The following MSRA variants were observed in gnomAD, a reference collection of about 807,000 sequenced individuals.
MSRA encodes the protein mitochondrial peptide methionine sulfoxide reductase.
A neutral mutation model predicts 31.3 loss-of-function variants in MSRA; 54 were observed. The observed-to-expected ratio is 1.73, with a 90% CI of 1.39 to 2.17. The LOEUF is 2.17. MSRA is among the 30% of genes most tolerant of loss of function. The probability of loss-of-function intolerance (pLI) is 0.00; values close to 1 mark genes in which losing one functional copy is unlikely to be tolerated. For missense variants in MSRA, 507 were observed against 300.9 expected (o/e 1.69, Z -5.07); for synonymous variants, 169 against 116.5 (o/e 1.45, Z -2.90).
chr8:10,207,694 T>A (rs1260385637), intron 1 of MSRA, 139 bp from the exon 2 acceptor site: 6 of 659,580 alleles, frequency 9.1e-6, no homozygotes, highest in African/African-American at 1.8e-5. Context: ...ACAAAATAAT[T>A]GAAGCTCTCT....
chr8:10,406,114 G>A (rs918985438), intron 5 of MSRA, among the ~76,000 whole-genome samples: 2 of 152,252 alleles, frequency 1.3e-5, no homozygotes, highest in African/African-American at 4.8e-5. Flanking sequence ...AGTAAGGGGA[G>A]AAGCGTGACT....
At chr8:10,216,757 C>T (rs931527674) in intron 2 of MSRA, among the ~76,000 whole-genome samples, 1 of 152,210 alleles carries the variant, frequency 6.6e-6, no homozygotes, top group Admixed American at 6.5e-5. Context: ...AAATTTCCTT[C>T]TTATCCCATT....
intron 1 of MSRA, among the ~76,000 whole-genome samples, chr8:10,093,739 T>G (rs1798975017): frequency 6.6e-6 from 1 of 152,246 alleles, no homozygotes; most frequent in African/African-American, 2.4e-5. Flanking sequence ...TTGATTTGAT[T>G]TACTGTCTAG....
intron 1 of MSRA, among the ~76,000 whole-genome samples, chr8:10,149,491 A>T (rs1375551040): frequency 1.3e-5 from 2 of 152,152 alleles, no homozygotes; most frequent in African/African-American, 4.8e-5. Context: ...GCCTGTGCTG[A>T]TTGAAGGGAG....
chr8:10,136,639 C>T (rs1168582688), intron 1 of MSRA, among the ~76,000 whole-genome samples: 5 of 152,206 alleles, frequency 3.3e-5, no homozygotes, highest in Admixed American at 1.3e-4. Context: ...AGAGCCTTTA[C>T]GTCAAGGGAT....
chr8:10,319,655 C>T (rs991305478), intron 4 of MSRA, among the ~76,000 whole-genome samples: 1 of 151,430 alleles, frequency 6.6e-6, no homozygotes, highest in Non-Finnish European at 1.5e-5. Flanking sequence ...ATAAATCTAC[C>T]TGAGTTCAAA....
intron 3 of MSRA, among the ~76,000 whole-genome samples, chr8:10,290,277 A>T (rs1169143713): frequency 6.6e-6 from 1 of 152,150 alleles, no homozygotes; most frequent in Non-Finnish European, 1.5e-5. Context: ...AAAGGCATGG[A>T]TTTCTAGCAA....
intron 1 of MSRA, among the ~76,000 whole-genome samples, chr8:10,112,963 A>G (rs1800393986): frequency 6.6e-6 from 1 of 152,018 alleles, no homozygotes; most frequent in South Asian, 2.1e-4. Context: ...CCCGTCTAAC[A>G]TGGCTCCTTA....
chr8:10,129,346 T>C (rs1801732012), intron 1 of MSRA, among the ~76,000 whole-genome samples: 1 of 152,054 alleles, frequency 6.6e-6, no homozygotes, highest in Non-Finnish European at 1.5e-5. Flanking sequence ...ACTTGGAAAA[T>C]GGACTTGACC....
chr8:10,060,051 T>C (rs1802622433), intron 1 of MSRA, among the ~76,000 whole-genome samples: 1 of 150,730 alleles, frequency 6.6e-6, no homozygotes, highest in Non-Finnish European at 1.5e-5. Context: ...GGCAATTTGG[T>C]TGTATCTATC....
At chr8:10,177,517 G>T (rs1244080106) in intron 1 of MSRA, among the ~76,000 whole-genome samples, 2 of 152,168 alleles carry the variant, frequency 1.3e-5, no homozygotes, top group Non-Finnish European at 2.9e-5. Context: ...TCTTCTTTGG[G>T]AGGAAAGGAT....
chr8:10,243,723 A>G (rs1797460369), intron 2 of MSRA, among the ~76,000 whole-genome samples: 1 of 152,226 alleles, frequency 6.6e-6, no homozygotes, highest in African/African-American at 2.4e-5. Context: ...TACTTAGTAT[A>G]TTTTCTTCCA....
intron 1 of MSRA, among the ~76,000 whole-genome samples, chr8:10,198,116 T>G (rs1808159689): frequency 3.3e-5 from 5 of 151,304 alleles, no homozygotes; most frequent in Admixed American, 2.0e-4. Flanking sequence ...TTGCTTTCAG[T>G]TTTTTTTTCT....
intron 2 of MSRA, among the ~76,000 whole-genome samples, chr8:10,224,852 A>G (rs1463924597): frequency 6.6e-6 from 1 of 152,194 alleles, no homozygotes; most frequent in Non-Finnish European, 1.5e-5. Context: ...CCTTTTTTAA[A>G]TGAACACTAC....
chr8:10,376,932 T>C (rs993676490), intron 5 of MSRA, among the ~76,000 whole-genome samples: 3 of 152,180 alleles, frequency 2.0e-5, no homozygotes, highest in African/African-American at 7.2e-5. Flanking sequence ...TGAACCCTGT[T>C]TTAAAAAGGG....
At chr8:10,185,534 G>C (rs1372770172) in intron 1 of MSRA, among the ~76,000 whole-genome samples, 1 of 152,128 alleles carries the variant, frequency 6.6e-6, no homozygotes, top group Non-Finnish European at 1.5e-5. Context: ...TAGTGCTTCT[G>C]GTGGGCCGAG....
At chr8:10,287,873 A>G (rs78213044) in intron 3 of MSRA, among the ~76,000 whole-genome samples, 5 of 151,910 alleles carry the variant, frequency 3.3e-5, no homozygotes, top group African/African-American at 1.2e-4. Flanking sequence ...GAACTCTGAG[A>G]CTACCCTTCT....
In MSRA at chr8:10,165,596, G is replaced by A. The variant is rs1319258584; in HGVS notation, c.143-42237G>A. On this transcript the variant is annotated intron_variant, in intron 1 of 5. Transcript: ENST00000317173. ...AAAATGAGTGGCAGTCTGTGCCCAGGTGGCTTCAATTTCCTGATAAAATGA... is the reference window on the plus strand; with the variant it reads ...AAAATGAGTGGCAGTCTGTGCCCAGATGGCTTCAATTTCCTGATAAAATGA... Among the ~76,000 whole-genome samples, 3 of 152,198 alleles carry A rather than the reference G, an allele frequency of 2.0e-5. No individual in the cohort carries two copies. The East Asian group carries it at 5.8e-4, about 29-fold the overall frequency.
intron 5 of MSRA, among the ~76,000 whole-genome samples, chr8:10,347,747 A>G (rs944965954): frequency 5.9e-5 from 9 of 152,276 alleles, no homozygotes; most frequent in Admixed American, 3.3e-4. Flanking sequence ...TCCCGTCCAT[A>G]GTGTTCATTA....
Sources: gnomAD v4.1 joint callset for allele counts (sites outside exome capture counted in the v4.1 genomes callset) on GRCh38, gnomAD v4.1.1 for gene constraint, MANE v1.5 for transcripts, NCBI Gene and HGNC (gene_info 2026-07-23, HGNC 2026-07-21) for gene names.